EDN1: variants seen among roughly 807,000 people sequenced by gnomAD.
EDN1 encodes endothelin-1.
Under a neutral mutation model 21.7 loss-of-function variants are expected in EDN1, and 11 were observed. The ratio of observed to expected loss-of-function variants is 0.51; its 90% CI spans 0.32 to 0.84. EDN1 has a LOEUF of 0.84. Among genes scored for constraint, EDN1 ranks in the 40% least tolerant of loss-of-function variants. The pLI, the probability that EDN1 is intolerant of heterozygous loss-of-function variation, is 0.03. For synonymous variants in EDN1, 85 were observed against 90.6 expected, an observed-to-expected ratio of 0.94 and a Z score of 0.35; for missense variants, 244 against 262.3, an observed-to-expected ratio of 0.93 and a Z score of 0.48.
At chr6:12,284,446 A>G in the EDN1 span, among the ~76,000 whole-genome samples, 9 of 151,978 alleles carry the variant, frequency 5.9e-5, no homozygotes, top group African/African-American at 2.2e-4. Context: ...CAGGAGGTCC[A>G]GGTTGCAGTG....
At chr6:12,290,232 C>A, upstream of EDN1, 1 of 232,650 alleles carries the variant, frequency 4.3e-6, no homozygotes, top group Non-Finnish European at 8.6e-6. Flanking sequence ...GCCTTATCTC[C>A]GGCTGCACGT....
chr6:12,275,922 G>A, the EDN1 span, among the ~76,000 whole-genome samples: 1 of 151,968 alleles, frequency 6.6e-6, no homozygotes, highest in Admixed American at 6.6e-5. Context: ...CAGCACTTTG[G>A]GAGGCCAAGG....
chr6:12,250,390 T>G, the EDN1 span, among the ~76,000 whole-genome samples: 1 of 152,218 alleles, frequency 6.6e-6, no homozygotes, highest in African/African-American at 2.4e-5. Flanking sequence ...CTAAAGGTTT[T>G]GCAGGATAAT....
chr6:12,294,520 G>T, intron 4 of EDN1, 116 bp downstream of exon 4: 3 of 1,208,348 alleles, frequency 2.5e-6, no homozygotes, highest in Non-Finnish European at 3.6e-6. Context: ...GAAAGACTTA[G>T]AAAACAGTAG....
At chr6:12,273,264 T>C in the EDN1 span, among the ~76,000 whole-genome samples, 45 of 152,130 alleles carry the variant, frequency 3.0e-4, no homozygotes, top group Non-Finnish European at 4.9e-4. Flanking sequence ...TTCAGGCCCG[T>C]GGAAAGTTTG....
intron 1 of EDN1, 84 bp from the exon 2 acceptor site, chr6:12,292,257 G>A: frequency 1.9e-6 from 3 of 1,582,960 alleles, no homozygotes; most frequent in Non-Finnish European, 2.6e-6. Flanking sequence ...TATCTGCTCT[G>A]CTAGCTCTGA....
the EDN1 span, among the ~76,000 whole-genome samples, chr6:12,262,893 T>G: frequency 2.0e-5 from 3 of 150,734 alleles, no homozygotes; most frequent in East Asian, 5.8e-4. Context: ...AAAAAAAAAT[T>G]CAATTAACCA....
At chr6:12,253,209 G>C in the EDN1 span, among the ~76,000 whole-genome samples, 1 of 152,118 alleles carries the variant, frequency 6.6e-6, no homozygotes, top group Non-Finnish European at 1.5e-5. Context: ...AATGAAATTA[G>C]CAATTTGAAA....
At chr6:12,233,513 G>A in the EDN1 span, among the ~76,000 whole-genome samples, 2 of 152,120 alleles carry the variant, frequency 1.3e-5, no homozygotes, top group Non-Finnish European at 2.9e-5. Flanking sequence ...ACTGCAAATT[G>A]GTTGCAAAGT....
At chr6:12,258,466 A>AAAAAAAAAAAC in the EDN1 span, among the ~76,000 whole-genome samples, 1 of 151,192 alleles carries the variant, frequency 6.6e-6, no homozygotes, top group Non-Finnish European at 1.5e-5. Context: ...AAAAAAAAAA[A>AAAAAAAAAAAC]AAAAAGCCAA....
In EDN1 at chr6:12,296,145, G is replaced by A; in HGVS notation, c.*78G>A. On this transcript the variant is annotated 3_prime_UTR_variant, in exon 5 of 5. Transcript: ENST00000379375. ...CGACTCTGCACTCTCCACCCTGGCT[G>A]GGATCAGAGCAGGAGCATCCTCTGC... The A allele has an allele frequency of 7.7e-7, 1 of 1,306,382 alleles. No individual in the cohort carries two copies. 80.9% of individuals were successfully genotyped at this position (1,306,382 alleles called of 1,614,324 possible).
the EDN1 span, among the ~76,000 whole-genome samples, chr6:12,241,894 T>C: frequency 2.0e-5 from 3 of 152,220 alleles, no homozygotes; most frequent in African/African-American, 7.2e-5. Flanking sequence ...GGTGTGATGG[T>C]GGGAATTTCT....
the EDN1 span, among the ~76,000 whole-genome samples, chr6:12,285,094 TAAC>T: frequency 6.6e-6 from 1 of 152,152 alleles, no homozygotes; most frequent in Non-Finnish European, 1.5e-5. Context: ...TAATAATAAT[TAAC>T]AAACAATAAT....
chr6:12,256,004 AG>A, the EDN1 span, among the ~76,000 whole-genome samples: 1 of 152,300 alleles, frequency 6.6e-6, no homozygotes, highest in South Asian at 2.1e-4. Flanking sequence ...TAAGGTGCTT[AG>A]GAACCACTGT....
chr6:12,287,125 T>C (rs890610231), upstream of EDN1, among the ~76,000 whole-genome samples: 2 of 83,350 alleles, frequency 2.4e-5, no homozygotes, highest in African/African-American at 1.0e-4. Flanking sequence ...CCCAAAAAAA[T>C]TAAAATTGAG....
At chr6:12,286,324 C>CAA (rs951118433), upstream of EDN1, among the ~76,000 whole-genome samples, 3 of 152,194 alleles carry the variant, frequency 2.0e-5, no homozygotes, top group African/African-American at 7.2e-5. Flanking sequence ...TGTGCTAAAT[C>CAA]AACCATTATT....
intron 1 of EDN1, among the ~76,000 whole-genome samples, chr6:12,291,937 C>T (rs1312996385): frequency 6.6e-6 from 1 of 152,218 alleles, no homozygotes; most frequent in Non-Finnish European, 1.5e-5. Context: ...GATTTCTTGT[C>T]TTTAGTCATG....
chr6:12,267,708 G>A, the EDN1 span, among the ~76,000 whole-genome samples: 2 of 152,134 alleles, frequency 1.3e-5, no homozygotes, highest in Non-Finnish European at 1.5e-5. Context: ...AGATCATTGG[G>A]GAAGGTGGTT....
At chr6:12,264,739 C>G in the EDN1 span, among the ~76,000 whole-genome samples, 15 of 152,278 alleles carry the variant, frequency 9.9e-5, no homozygotes, top group African/African-American at 3.6e-4. Context: ...CAAGTTTGCT[C>G]TAGACAGAAG....
Sources: allele counts gnomAD v4.1 joint callset (sites outside exome capture counted in the v4.1 genomes callset), GRCh38; gene constraint gnomAD v4.1.1; transcripts MANE v1.5; gene names NCBI Gene and HGNC (gene_info 2026-07-23, HGNC 2026-07-21).